The following CIST1 variants were observed in gnomAD, a reference collection of about 807,000 sequenced individuals.
CIST1 encodes uncharacterized LOC729966.
At chr19:18,254,723 G>C in the CIST1 span, among the ~76,000 whole-genome samples, 48 of 152,246 alleles carry the variant, frequency 3.2e-4, no homozygotes, top group East Asian at 9.1e-3. Context: ...GGCAGAAAAA[G>C]GGAATGCGAG....
At chr19:18,252,827 G>A in the CIST1 span, among the ~76,000 whole-genome samples, 1 of 152,102 alleles carries the variant, frequency 6.6e-6, no homozygotes, top group South Asian at 2.1e-4. Context: ...GATTTGTCTC[G>A]AACTTCTGAC....
the CIST1 span, among the ~76,000 whole-genome samples, chr19:18,254,459 T>G: frequency 1.3e-5 from 2 of 152,278 alleles, no homozygotes; most frequent in African/African-American, 4.8e-5. Flanking sequence ...GTGCTGGGTG[T>G]TTGCTCTCCC....
the CIST1 span, among the ~76,000 whole-genome samples, chr19:18,250,773 ATTT>A: frequency 1.3e-4 from 16 of 124,598 alleles, no homozygotes; most frequent in African/African-American, 2.0e-4. Context: ...TGCCTGGACA[ATTT>A]TTTTTTTTTT....
At chr19:18,254,681 CAGAG>C in the CIST1 span, among the ~76,000 whole-genome samples, 2 of 152,142 alleles carry the variant, frequency 1.3e-5, no homozygotes, top group Non-Finnish European at 2.9e-5. Context: ...GGACACCGGT[CAGAG>C]AGAGTGACAA....
At chr19:18,251,271 G>A in the CIST1 span, among the ~76,000 whole-genome samples, 4 of 150,636 alleles carry the variant, frequency 2.7e-5, no homozygotes, top group East Asian at 3.9e-4. Flanking sequence ...GATTACAGGC[G>A]CCCGCCACCA....
At chr19:18,252,071 A>T in the CIST1 span, 5 of 398,730 alleles carry the variant, frequency 1.3e-5, no homozygotes, top group Non-Finnish European at 2.2e-5. Flanking sequence ...CACCTGGGCC[A>T]GGGGGCTCCA....
chr19:18,253,563 A>AAAAAAAAAAAC, the CIST1 span, among the ~76,000 whole-genome samples: 1 of 141,750 alleles, frequency 7.1e-6, no homozygotes. Context: ...AAAAAAAAAA[A>AAAAAAAAAAAC]ACACACACAC....
chr19:18,250,042 A>C, the CIST1 span: 1 of 398,652 alleles, frequency 2.5e-6, no homozygotes, highest in Non-Finnish European at 4.4e-6. Flanking sequence ...CCTTGGATGA[A>C]TGGTAGGGGC....
At chr19:18,254,661 C>T in the CIST1 span, among the ~76,000 whole-genome samples, 79 of 152,300 alleles carry the variant, frequency 5.2e-4, no homozygotes, top group African/African-American at 1.9e-3. Context: ...TATTACAGGT[C>T]TGTGGGGTAG....
At chr19:18,252,582 T>C in the CIST1 span, 2 of 397,312 alleles carry the variant, frequency 5.0e-6, no homozygotes, top group Non-Finnish European at 8.9e-6. Flanking sequence ...CTGGGCAACA[T>C]AGCGAGACCC....
the CIST1 span, among the ~76,000 whole-genome samples, chr19:18,253,725 A>G: frequency 2.6e-5 from 4 of 152,164 alleles, no homozygotes; most frequent in Non-Finnish European, 5.9e-5. Flanking sequence ...CGCTGGGAAC[A>G]TGTCTCCGGA....
At chr19:18,251,735 G>A in the CIST1 span, among the ~76,000 whole-genome samples, 1 of 110,640 alleles carries the variant, frequency 9.0e-6, no homozygotes, top group Middle Eastern at 5.2e-3. Flanking sequence ...TTACAGGCTT[G>A]AGCCACCGCG....
the CIST1 span, chr19:18,250,145 G>A: frequency 1.5e-5 from 6 of 398,598 alleles, no homozygotes; most frequent in Admixed American, 1.8e-4. Context: ...CCTGGAGGTG[G>A]TGGGCAAAGG....
chr19:18,253,641 A>G, the CIST1 span, among the ~76,000 whole-genome samples: 1 of 152,180 alleles, frequency 6.6e-6, no homozygotes, highest in Non-Finnish European at 1.5e-5. Context: ...ATGAGCTCAG[A>G]GAGGATCAGC....
At chr19:18,253,483 C>G in the CIST1 span, among the ~76,000 whole-genome samples, 8 of 151,002 alleles carry the variant, frequency 5.3e-5, no homozygotes, top group Non-Finnish European at 8.8e-5. Flanking sequence ...TCCAGGAGTT[C>G]AAGGCTGCAG....
At chr19:18,251,106 T>G in the CIST1 span, among the ~76,000 whole-genome samples, 2 of 148,024 alleles carry the variant, frequency 1.4e-5, no homozygotes, top group African/African-American at 5.0e-5. Context: ...ATCAATTACT[T>G]TATTTATTTT....
chr19:18,252,971 A>G, the CIST1 span, among the ~76,000 whole-genome samples: 1 of 152,138 alleles, frequency 6.6e-6, no homozygotes. Context: ...TGAAAGATTT[A>G]GGACACCATG....
At chr19:18,251,178 T>C in the CIST1 span, among the ~76,000 whole-genome samples, 1 of 151,654 alleles carries the variant, frequency 6.6e-6, no homozygotes, top group African/African-American at 2.4e-5. Context: ...CAGGCTGGAG[T>C]GCAGTGGTTC....
At chr19:18,254,244 G>A in the CIST1 span, among the ~76,000 whole-genome samples, 1 of 152,204 alleles carries the variant, frequency 6.6e-6, no homozygotes, top group Non-Finnish European at 1.5e-5. Flanking sequence ...CTGCTGAAAT[G>A]AAGATGATTC....
Sources: gnomAD v4.1 joint callset for allele counts (sites outside exome capture counted in the v4.1 genomes callset) on GRCh38, gnomAD v4.1.1 for gene constraint, MANE v1.5 for transcripts, NCBI Gene and HGNC (gene_info 2026-07-23, HGNC 2026-07-21) for gene names.